Variants in GARIN2 observed in about 807,000 individuals in gnomAD.
GARIN2 encodes golgi associated RAB2 interactor family member 2, also known as Golgi-associated RAB2 interactor protein 2.
chr14:67,199,195 CA>C, the GARIN2 span: 1 of 1,606,554 alleles, frequency 6.2e-7, no homozygotes, highest in African/African-American at 1.3e-5. Flanking sequence ...ACCCACATGC[CA>C]AAGGATAGAG....
At chr14:67,213,705 G>A in the GARIN2 span, among the ~76,000 whole-genome samples, 1 of 152,094 alleles carries the variant, frequency 6.6e-6, no homozygotes, top group South Asian at 2.1e-4. Flanking sequence ...GGGTCAAATG[G>A]TATTTCTAGT....
At chr14:67,212,598 AATAT>A in the GARIN2 span, among the ~76,000 whole-genome samples, 5 of 135,910 alleles carry the variant, frequency 3.7e-5, no homozygotes, top group African/African-American at 1.1e-4. Flanking sequence ...TGAAAAAAAA[AATAT>A]ATATATATAT....
the GARIN2 span, chr14:67,228,326 G>A: frequency 2.2e-5 from 10 of 459,026 alleles, no homozygotes; most frequent in African/African-American, 2.1e-4. Flanking sequence ...TATTTTACCT[G>A]TATTTAGTTC....
the GARIN2 span, among the ~76,000 whole-genome samples, chr14:67,225,969 G>GCA: frequency 6.8e-6 from 1 of 147,146 alleles, no homozygotes; most frequent in Non-Finnish European, 1.5e-5. Flanking sequence ...GTGTGCGCGC[G>GCA]CGCGCGTGCG....
At chr14:67,199,935 A>C in the GARIN2 span, 4 of 1,443,444 alleles carry the variant, frequency 2.8e-6, no homozygotes, top group Non-Finnish European at 3.7e-6. Flanking sequence ...GACACTCCCA[A>C]GCTCACCCAT....
chr14:67,218,058 A>T, the GARIN2 span, among the ~76,000 whole-genome samples: 1 of 152,160 alleles, frequency 6.6e-6, no homozygotes, highest in Admixed American at 6.5e-5. Context: ...CAAGTTTCTC[A>T]GTGGCCTAGG....
At chr14:67,191,748 C>T in the GARIN2 span, among the ~76,000 whole-genome samples, 20 of 152,334 alleles carry the variant, frequency 1.3e-4, no homozygotes, top group Admixed American at 9.8e-4. Context: ...GCTGAAGTGG[C>T]TCCCTCTTGA....
At chr14:67,208,790 G>A in the GARIN2 span, among the ~76,000 whole-genome samples, 7 of 151,934 alleles carry the variant, frequency 4.6e-5, no homozygotes, top group East Asian at 1.9e-4. Context: ...CCAGCTACTC[G>A]GGAGGCTGAG....
At chr14:67,189,972 C>T in the GARIN2 span, among the ~76,000 whole-genome samples, 3 of 150,236 alleles carry the variant, frequency 2.0e-5, no homozygotes, top group Admixed American at 6.7e-5. Context: ...TCCCGAGTAG[C>T]TGGGATTACA....
chr14:67,217,184 T>A, the GARIN2 span, among the ~76,000 whole-genome samples: 3 of 152,304 alleles, frequency 2.0e-5, no homozygotes, highest in African/African-American at 7.2e-5. Context: ...TTTTACAGTT[T>A]CTGACATAAA....
the GARIN2 span, among the ~76,000 whole-genome samples, chr14:67,210,014 A>G: frequency 6.6e-6 from 1 of 152,162 alleles, no homozygotes; most frequent in African/African-American, 2.4e-5. Flanking sequence ...AGCAATTACC[A>G]GTTAGCTTTT....
At chr14:67,197,865 G>A in the GARIN2 span, among the ~76,000 whole-genome samples, 2 of 152,062 alleles carry the variant, frequency 1.3e-5, no homozygotes, top group African/African-American at 4.8e-5. Context: ...ATATGTATCT[G>A]TTTTCAAGTC....
the GARIN2 span, among the ~76,000 whole-genome samples, chr14:67,192,870 A>T: frequency 3.4e-5 from 5 of 146,358 alleles, no homozygotes; most frequent in East Asian, 2.0e-4. Context: ...ATATATATAG[A>T]TATATAGATA....
At chr14:67,217,597 G>A in the GARIN2 span, among the ~76,000 whole-genome samples, 1 of 151,978 alleles carries the variant, frequency 6.6e-6, no homozygotes, top group African/African-American at 2.4e-5. Flanking sequence ...GAGTTTTATA[G>A]TTTTGCATGT....
At chr14:67,224,905 C>A in the GARIN2 span, 1 of 424,752 alleles carries the variant, frequency 2.4e-6, no homozygotes, top group Non-Finnish European at 4.1e-6. Flanking sequence ...TAAAAGGGAA[C>A]CTGCTTGTGA....
the GARIN2 span, among the ~76,000 whole-genome samples, chr14:67,214,062 T>A: frequency 1.3e-5 from 2 of 152,216 alleles, no homozygotes; most frequent in Non-Finnish European, 2.9e-5. Context: ...ATTCTGGATA[T>A]TAGCCCTTTG....
the GARIN2 span, among the ~76,000 whole-genome samples, chr14:67,217,367 G>C: frequency 6.6e-6 from 1 of 152,102 alleles, no homozygotes; most frequent in East Asian, 1.9e-4. Context: ...CATTCAGCCA[G>C]TCTATATCTT....
chr14:67,212,902 C>T, the GARIN2 span, among the ~76,000 whole-genome samples: 1 of 151,018 alleles, frequency 6.6e-6, no homozygotes, highest in Non-Finnish European at 1.5e-5. Flanking sequence ...AGTGCCAAGA[C>T]ATTCAAAGTG....
At chr14:67,206,008 AC>A in the GARIN2 span, among the ~76,000 whole-genome samples, 1 of 152,050 alleles carries the variant, frequency 6.6e-6, no homozygotes, top group Non-Finnish European at 1.5e-5. Context: ...ACATGGCGAA[AC>A]CCCATCTCTA....
Sources: gnomAD v4.1 joint callset for allele counts (sites outside exome capture counted in the v4.1 genomes callset) on GRCh38, gnomAD v4.1.1 for gene constraint, MANE v1.5 for transcripts, NCBI Gene and HGNC (gene_info 2026-07-23, HGNC 2026-07-21) for gene names.